The following ABCA13 variants were observed in gnomAD, a reference collection of about 807,000 sequenced individuals.
The protein encoded by ABCA13 is ATP binding cassette subfamily A member 13, also known as ATP-binding cassette sub-family A member 13.
In ABCA13, 476 loss-of-function variants were observed where a neutral mutation model predicts 478.7. The ratio of observed to expected loss-of-function variants is 0.99; its 90% CI spans 0.92 to 1.07. The LOEUF is 1.07. Among genes scored for constraint, ABCA13 ranks in the 50% least tolerant of loss-of-function variants. ABCA13 has a pLI of 0.00. For missense variants in ABCA13, 6,060 were observed against 5,910.6 expected (o/e 1.03, Z -0.83); for synonymous variants, 2,252 against 2,158.9 (o/e 1.04, Z -1.20).
intron 57 of ABCA13, among the ~76,000 whole-genome samples, chr7:48,588,508 T>A (rs2178089): frequency 7.2e-5 from 11 of 151,992 alleles, no homozygotes; most frequent in Admixed American, 2.6e-4. Context: ...TCAGCTTTCC[T>A]TGGATGCCCA....
chr7:48,229,923 CAT>C lies in ABCA13; in HGVS notation c.732_733del (p.Phe245SerfsTer30). On this transcript the variant is annotated frameshift_variant, in exon 7 of 62. Coordinates refer to ENST00000435803, the MANE Select transcript of ABCA13 (RefSeq NM_152701.5). LOFTEE classifies it high-confidence loss of function. ...CTGAATGTGACCATTTCGACACTGA[CAT>C]TTCTGCAGCAACATGGAGTAGCAGT... is the stretch of plus-strand genomic sequence containing the variant. The C allele has an allele frequency of 6.2e-7, 1 of 1,613,996 alleles. No homozygotes were observed. Among genetic ancestry groups the C allele is most frequent in the African/African-American group, 1.3e-5 (1 of 75,066 alleles).
intron 58 of ABCA13, among the ~76,000 whole-genome samples, chr7:48,601,035 T>G (rs1045862864): frequency 1.3e-5 from 2 of 152,148 alleles, no homozygotes; most frequent in African/African-American, 4.8e-5. Context: ...TTTTCTATTT[T>G]TGGATTGGAT....
At chr7:48,394,903 T>G (rs1366312381) in intron 38 of ABCA13, among the ~76,000 whole-genome samples, 3 of 150,994 alleles carry the variant, frequency 2.0e-5, no homozygotes, top group East Asian at 2.0e-4. Flanking sequence ...TACTGGGGGG[T>G]GTGTGAAGTG....
chr7:48,337,711 T>C (rs1168557094), intron 28 of ABCA13, among the ~76,000 whole-genome samples: 1 of 152,202 alleles, frequency 6.6e-6, no homozygotes, highest in Non-Finnish European at 1.5e-5. Context: ...TTGGTTGTTG[T>C]ATGTTGTAAG....
intron 58 of ABCA13, among the ~76,000 whole-genome samples, chr7:48,603,346 A>G (rs1375377586): frequency 1.3e-5 from 2 of 152,148 alleles, no homozygotes; most frequent in Non-Finnish European, 2.9e-5. Context: ...TGCGCATTCA[A>G]TATGATAGTG....
chr7:48,532,588 T>C (rs1833314948), intron 55 of ABCA13, among the ~76,000 whole-genome samples: 1 of 152,146 alleles, frequency 6.6e-6, no homozygotes, highest in South Asian at 2.1e-4. Flanking sequence ...TCCCAATTCT[T>C]CTTTGAATGT....
intron 32 of ABCA13, among the ~76,000 whole-genome samples, chr7:48,369,567 T>G (rs1812314618): frequency 6.6e-6 from 1 of 152,224 alleles, no homozygotes; most frequent in African/African-American, 2.4e-5. Context: ...TTGATTTTTG[T>G]ATAAGGTGAG....
At position 48,352,234 on chromosome 7, in the gene ABCA13, A is replaced by G; in HGVS notation, c.10435A>G (p.Lys3479Glu). The G allele has an allele frequency of 6.2e-7, 1 of 1,611,470 alleles. No homozygotes were observed. The highest frequency in any genetic ancestry group is 1.4e-5 in the African/African-American group (1 of 73,994). The change falls in exon 31 of 62, where the codon AAA becomes GAA. Residue 3479 changes from lysine (K) to glutamate (E), a missense_variant. Coordinates refer to ENST00000435803, the MANE Select transcript of ABCA13 (RefSeq NM_152701.5). Reference protein sequence around the residue: ...FDKNFRSESVKLPPHVSYTIR... With the variant: ...FDKNFRSESVELPPHVSYTIR... ...CAAGAACTTCAGATCAGAGTCTGTCAAACTGCCACCCCATGTCTCATACAC... is the reference window on the plus strand; with the variant it reads ...CAAGAACTTCAGATCAGAGTCTGTCGAACTGCCACCCCATGTCTCATACAC...
intron 20 of ABCA13, among the ~76,000 whole-genome samples, chr7:48,288,280 T>A (rs762177186): frequency 1.8e-4 from 28 of 152,160 alleles, no homozygotes; most frequent in South Asian, 4.1e-4. Flanking sequence ...CTGGGTTGAG[T>A]GGCACTGAGT....
intron 42 of ABCA13, among the ~76,000 whole-genome samples, chr7:48,451,419 A>G (rs1825018571): frequency 6.6e-6 from 1 of 152,180 alleles, no homozygotes; most frequent in African/African-American, 2.4e-5. Flanking sequence ...CAACAGAAAG[A>G]CTATATGGAC....
intron 5 of ABCA13, among the ~76,000 whole-genome samples, chr7:48,225,135 G>GCCTGCCTGCCTGCCTTCCTTCCTTCCTT (rs1312566145): frequency 2.3e-4 from 16 of 69,886 alleles, no homozygotes; most frequent in Middle Eastern, 7.4e-3. Context: ...CTGCCTGCCT[G>GCCTGCCTGCCTGCCTTCCTTCCTTCCTT]CCTTCCTTCC....
intron 59 of ABCA13, chr7:48,626,674 G>C: frequency 2.0e-6 from 2 of 985,452 alleles, no homozygotes; most frequent in Non-Finnish European, 2.4e-6. Context: ...TGCAGGAGAC[G>C]CTGAAGAACA....
chr7:48,369,591 G>A (rs1812318440), intron 32 of ABCA13, among the ~76,000 whole-genome samples: 2 of 152,156 alleles, frequency 1.3e-5, no homozygotes, highest in African/African-American at 4.8e-5. Context: ...TGAGGATCCA[G>A]TTTCATTCTT....
At chr7:48,228,863 C>T (rs1788642820) in intron 6 of ABCA13, among the ~76,000 whole-genome samples, 1 of 152,154 alleles carries the variant, frequency 6.6e-6, no homozygotes, top group Non-Finnish European at 1.5e-5. Context: ...AAATAATTGG[C>T]TATTCTGAGA....
At chr7:48,545,752 G>GAA (rs11414680) in intron 55 of ABCA13, among the ~76,000 whole-genome samples, 2 of 147,522 alleles carry the variant, frequency 1.4e-5, no homozygotes, top group African/African-American at 5.0e-5. Flanking sequence ...GAATAGATTT[G>GAA]AAAAAAAAAG....
intron 58 of ABCA13, among the ~76,000 whole-genome samples, chr7:48,597,313 C>A (rs1442619473): frequency 1.3e-5 from 2 of 152,196 alleles, no homozygotes; most frequent in Admixed American, 1.3e-4. Context: ...CTTTTCATTC[C>A]AAACGGTATC....
In ABCA13 at chr7:48,227,322, C is replaced by T; in HGVS notation, c.529C>T (p.His177Tyr). 1.9e-6 allele frequency: 3 copies of T among 1,613,272 alleles called. No homozygotes were observed. Among genetic ancestry groups the T allele is most frequent in the South Asian group, 2.2e-5 (2 of 91,064 alleles). The change falls in exon 6 of 62, where the codon CAT (histidine) becomes TAT (tyrosine). Residue 177 changes from histidine (H) to tyrosine (Y), a missense_variant. Coordinates refer to ENST00000435803, the MANE Select transcript of ABCA13 (RefSeq NM_152701.5). ...ACTGGAAAGCCTCCATCAGCAGCCT[C>T]ATATCTGGGATTTTCTACTTTTACT... Reference protein sequence around the residue: ...LKLESLHQQPHIWDFLLLLPR... With the variant: ...LKLESLHQQPYIWDFLLLLPR...
chr7:48,528,218 A>G lies in ABCA13; in HGVS notation c.14245-18A>G, dbSNP rs1384497236. ...TTGTTTGATTGAATGTGCTTTACTT[A>G]ACTTTGTTTCCTCTTAGTGCTTTGG... On this transcript the variant is annotated intron_variant, in intron 54 of 61. Coordinates refer to ENST00000435803, the MANE Select transcript of ABCA13 (RefSeq NM_152701.5). The G allele has an allele frequency of 6.5e-7, 1 of 1,541,866 alleles. No homozygotes were observed. Among genetic ancestry groups the G allele is most frequent in the East Asian group, 2.4e-5 (1 of 41,760 alleles).
intron 1 of ABCA13, among the ~76,000 whole-genome samples, chr7:48,187,527 T>G (rs961733668): frequency 1.3e-5 from 2 of 152,006 alleles, no homozygotes; most frequent in Non-Finnish European, 2.9e-5. Flanking sequence ...ATTTTCCTTA[T>G]GTTGTATAGT....
Sources: gnomAD v4.1 joint callset for allele counts (sites outside exome capture counted in the v4.1 genomes callset) on GRCh38, gnomAD v4.1.1 for gene constraint, MANE v1.5 for transcripts, NCBI Gene and HGNC (gene_info 2026-07-23, HGNC 2026-07-21) for gene names.